Variants in PTPRD observed in about 807,000 individuals in gnomAD.
The protein encoded by PTPRD is protein tyrosine phosphatase receptor type D.
In PTPRD, 34 loss-of-function variants were observed where a neutral mutation model predicts 214.5. That is an observed-to-expected ratio of 0.16 (90% confidence interval 0.12 to 0.21). The LOEUF (loss-of-function observed/expected upper bound fraction) is 0.21. Ranked by LOEUF, PTPRD falls within the 10% of genes least tolerant of loss-of-function variation. PTPRD has a pLI of 1.00. For missense variants in PTPRD, 2,545 were observed against 2,398.7 expected, an observed-to-expected ratio of 1.06 and a Z score of -1.27; for synonymous variants, 1,128 against 845.7, an observed-to-expected ratio of 1.33 and a Z score of -5.79.
At chr9:8,362,353 C>G (rs1200536076) in intron 39 of PTPRD, among the ~76,000 whole-genome samples, 2 of 152,170 alleles carry the variant, frequency 1.3e-5, no homozygotes, top group Admixed American at 6.5e-5. Context: ...AAATGGATTT[C>G]AGACTATAGT....
chr9:9,548,477 G>C (rs1306216895), intron 8 of PTPRD, among the ~76,000 whole-genome samples: 1 of 143,532 alleles, frequency 7.0e-6, no homozygotes, highest in Non-Finnish European at 1.5e-5. Flanking sequence ...ACATGATCTT[G>C]GTTCACTGTA....
intron 43 of PTPRD, among the ~76,000 whole-genome samples, chr9:8,336,739 G>GAACTT (rs1243590303): frequency 6.6e-6 from 1 of 150,942 alleles, no homozygotes; most frequent in Admixed American, 6.6e-5. Context: ...AATCTACAAA[G>GAACTT]AACTTAAACG....
intron 11 of PTPRD, among the ~76,000 whole-genome samples, chr9:8,892,694 T>C (rs1011267589): frequency 2.0e-5 from 3 of 147,010 alleles, no homozygotes; most frequent in Non-Finnish European, 4.5e-5. Context: ...TGAGTGTATA[T>C]ATATATATGT....
intron 4 of PTPRD, among the ~76,000 whole-genome samples, chr9:9,990,223 C>T (rs1422278128): frequency 6.6e-6 from 1 of 152,174 alleles, no homozygotes; most frequent in South Asian, 2.1e-4. Context: ...GGCCAAGGTC[C>T]TCAGGTTTTC....
At chr9:10,302,692 T>A (rs2095902238) in intron 3 of PTPRD, among the ~76,000 whole-genome samples, 1 of 152,136 alleles carries the variant, frequency 6.6e-6, no homozygotes, top group East Asian at 1.9e-4. Context: ...GGTAAAGGGA[T>A]CAATGCAACA....
chr9:8,684,719 C>T (rs1356470034), intron 12 of PTPRD, among the ~76,000 whole-genome samples: 2 of 152,182 alleles, frequency 1.3e-5, no homozygotes, highest in African/African-American at 2.4e-5. Context: ...AAGAAGACAC[C>T]TATTTAGAAC....
intron 11 of PTPRD, among the ~76,000 whole-genome samples, chr9:8,746,672 G>C (rs1328188164): frequency 6.6e-6 from 1 of 152,086 alleles, no homozygotes; most frequent in Non-Finnish European, 1.5e-5. Flanking sequence ...TAAAAGAAAA[G>C]AAAATGTTGA....
At chr9:8,683,808 T>C (rs182204947) in intron 12 of PTPRD, among the ~76,000 whole-genome samples, 189 of 152,334 alleles carry the variant, frequency 1.2e-3, no homozygotes, top group Non-Finnish European at 1.7e-3. Flanking sequence ...GCAGTCTTCA[T>C]TCTGCCTTCT....
chr9:8,419,613 G>T (rs957556182), intron 35 of PTPRD, among the ~76,000 whole-genome samples: 1 of 151,644 alleles, frequency 6.6e-6, no homozygotes, highest in Non-Finnish European at 1.5e-5. Flanking sequence ...GGGAAGAAAA[G>T]AAAAATATCT....
At chr9:9,895,587 G>A (rs551960104) in intron 5 of PTPRD, among the ~76,000 whole-genome samples, 1 of 152,108 alleles carries the variant, frequency 6.6e-6, no homozygotes, top group African/African-American at 2.4e-5. Flanking sequence ...AATCCACGAT[G>A]GTTACAGGAG....
intron 14 of PTPRD, among the ~76,000 whole-genome samples, chr9:8,532,973 G>A (rs1044300601): frequency 3.9e-5 from 6 of 151,932 alleles, no homozygotes; most frequent in Non-Finnish European, 8.8e-5. Context: ...TAACAACCCT[G>A]ACCTACCCAG....
chr9:9,633,504 G>C (rs2095658685), intron 7 of PTPRD, among the ~76,000 whole-genome samples: 1 of 143,286 alleles, frequency 7.0e-6, no homozygotes, highest in Non-Finnish European at 1.5e-5. Flanking sequence ...ATAGAATTTA[G>C]ATGTAAGGTT....
At chr9:9,345,370 G>T (rs947940028) in intron 9 of PTPRD, among the ~76,000 whole-genome samples, 1 of 151,920 alleles carries the variant, frequency 6.6e-6, no homozygotes, top group African/African-American at 2.4e-5. Context: ...AGGTTTTTTT[G>T]ATCAGTATGA....
chr9:9,444,337 T>G (rs575773751), intron 8 of PTPRD, among the ~76,000 whole-genome samples: 17 of 152,322 alleles, frequency 1.1e-4, no homozygotes, highest in African/African-American at 4.1e-4. Flanking sequence ...AAAGATTTGA[T>G]ATCTATTTTT....
At chr9:10,163,393 A>G (rs1022680438) in intron 3 of PTPRD, among the ~76,000 whole-genome samples, 14 of 151,448 alleles carry the variant, frequency 9.2e-5, no homozygotes, top group African/African-American at 2.4e-4. Context: ...TTTAACTGTT[A>G]TAACATTTTA....
chr9:8,697,688 G>A (rs1038599002), intron 12 of PTPRD, among the ~76,000 whole-genome samples: 2 of 151,826 alleles, frequency 1.3e-5, no homozygotes, highest in Admixed American at 1.3e-4. Flanking sequence ...CTCTCAAAGT[G>A]CTGGGATTAC....
chr9:9,478,679 T>C (rs913449169), intron 8 of PTPRD, among the ~76,000 whole-genome samples: 1 of 152,182 alleles, frequency 6.6e-6, no homozygotes, highest in African/African-American at 2.4e-5. Flanking sequence ...GTTCATAGAG[T>C]ATTGAATAAT....
At chr9:9,771,393 T>C (rs1811595396) in intron 5 of PTPRD, among the ~76,000 whole-genome samples, 1 of 152,176 alleles carries the variant, frequency 6.6e-6, no homozygotes, top group African/African-American at 2.4e-5. Context: ...TTTATGTCAT[T>C]TGTGGTCAAA....
At chr9:8,460,186 T>G in intron 33 of PTPRD, 1 of 576,892 alleles carries the variant, frequency 1.7e-6, no homozygotes, top group Non-Finnish European at 3.1e-6. Context: ...CCAGAATAGA[T>G]GCATGTTGGA....
Sources: gnomAD v4.1 joint callset for allele counts (sites outside exome capture counted in the v4.1 genomes callset) on GRCh38, gnomAD v4.1.1 for gene constraint, MANE v1.5 for transcripts, NCBI Gene and HGNC (gene_info 2026-07-23, HGNC 2026-07-21) for gene names.